The following PALM variants were observed in gnomAD, a reference collection of about 807,000 sequenced individuals.
The protein encoded by PALM is paralemmin.
PALM carries 18 observed loss-of-function variants against 30.7 expected under a neutral mutation model. That is an observed-to-expected ratio of 0.59 (90% CI 0.41 to 0.87). The LOEUF is 0.87. Among genes scored for constraint, PALM ranks in the 40% least tolerant of loss-of-function variants. The probability of loss-of-function intolerance (pLI) is 0.00; values close to 1 mark genes in which losing one functional copy is unlikely to be tolerated. For synonymous variants in PALM, 286 were observed against 242.8 expected (o/e 1.18, Z -1.66); for missense variants, 529 against 555.4 (o/e 0.95, Z 0.48).
rs201529663 is a variant in PALM, at chr19:742,616, A to AAAG, written c.634+2135_634+2136insGAA. Among the ~76,000 whole-genome samples, 4,487 of 147,688 alleles carry AAAG rather than the reference A, an allele frequency of 0.03. 378 individuals are homozygous for AAAG. In the East Asian group the frequency reaches 0.34, roughly 11 times the overall value. ...GTGAAACTCTGTCTCAAAAAAAAAA[A>AAAG]AAAGAAAGAAAAGAGAATAAATGGG... On this transcript the variant is annotated intron_variant, in intron 8 of 8. Transcript: ENST00000338448. This position sits in a 1 kb window ranked among gnomAD's most constrained non-coding sequence, Gnocchi z 5.5.
chr19:722,279 A>C (rs1209013924), intron 1 of PALM, among the ~76,000 whole-genome samples: 1 of 152,134 alleles, frequency 6.6e-6, no homozygotes, highest in Non-Finnish European at 1.5e-5. Context: ...CAGTGGCACA[A>C]TCACGGCTCG....
chr19:728,032 G>A (rs978906830), intron 4 of PALM, among the ~76,000 whole-genome samples: 12 of 117,066 alleles, frequency 1.0e-4, no homozygotes, highest in Non-Finnish European at 1.6e-4. Flanking sequence ...GGGACGTGAC[G>A]TCGAGCTCGT....
intron 1 of PALM, among the ~76,000 whole-genome samples, chr19:710,858 T>C (rs1396525376): frequency 6.6e-6 from 1 of 152,206 alleles, no homozygotes; most frequent in Non-Finnish European, 1.5e-5. Flanking sequence ...GACGACTCTC[T>C]CCCCGGTTCC....
intron 4 of PALM, among the ~76,000 whole-genome samples, chr19:730,652 T>G (rs1362871290): frequency 2.0e-5 from 3 of 152,140 alleles, no homozygotes; most frequent in African/African-American, 4.8e-5. Context: ...GTGCCTCAGT[T>G]TCCCCCATCA....
At chr19:728,369 C>T (rs554356013) in intron 4 of PALM, among the ~76,000 whole-genome samples, 13 of 152,324 alleles carry the variant, frequency 8.5e-5, no homozygotes, top group African/African-American at 2.9e-4. Flanking sequence ...GGAGGCCGGC[C>T]GGATCACACG....
At chr19:739,086 A>C (rs2033109853) in intron 7 of PALM, among the ~76,000 whole-genome samples, 1 of 152,128 alleles carries the variant, frequency 6.6e-6, no homozygotes, top group African/African-American at 2.4e-5. Flanking sequence ...GGCAGCCACC[A>C]GTCGCTGTTA....
intron 1 of PALM, among the ~76,000 whole-genome samples, chr19:710,393 C>T (rs2032032506): frequency 6.6e-6 from 1 of 152,200 alleles, no homozygotes. Context: ...AGCCAGGGCC[C>T]AGACTTGCCT....
At position 726,923 on chromosome 19, in the gene PALM, C is replaced by T. The variant is rs1568225006; in HGVS notation, c.58-85C>T. 27 of 732,672 alleles carry T rather than the reference C, an allele frequency of 3.7e-5. 1 individual carries two copies. The Middle Eastern group carries it at 1.2e-3, about 34-fold the overall frequency. The allele number at this position is 732,672 out of a possible 1,614,324, so 45.4% of individuals were successfully genotyped here. The stretch of plus-strand genomic sequence containing the variant: ...GATCCCCGGACAGAGGAAGCAGGAT[C>T]GGGCTGGGCAGAGCCTTGTGTGGGG... On this transcript the variant is annotated intron_variant, in intron 2 of 8. Coordinates refer to ENST00000338448, the MANE Select transcript of PALM (RefSeq NM_002579.3).
intron 6 of PALM, 58 bp downstream of exon 6, chr19:734,252 G>A: frequency 6.4e-7 from 1 of 1,553,742 alleles, no homozygotes. Context: ...CCAGAGAGGG[G>A]ATGGCAGGGC....
intron 1 of PALM, chr19:722,700 C>G (rs1420480283): frequency 1.3e-5 from 2 of 152,314 alleles, no homozygotes; most frequent in African/African-American, 4.8e-5. Context: ...GGATGGTTCA[C>G]TGCCTGCATC....
chr19:727,239 AC>A lies in PALM; in HGVS notation c.138+155del, dbSNP rs1239580550. On this transcript the variant is annotated intron_variant, in intron 3 of 8. Transcript: ENST00000338448. ...GACCCTGACCCCGACCCTGACCCCG[AC>A]CCCGACCCCGACCCTGACCCCAACC... 5 of 580,306 alleles carry A rather than the reference AC, an allele frequency of 8.6e-6. No homozygotes were observed. In the Admixed American group the frequency reaches 1.5e-4, roughly 18 times the overall value. The allele number at this position is 580,306 out of a possible 1,614,324, so 35.9% of individuals were successfully genotyped here. A position where few individuals can be genotyped will look rare whatever the true frequency, so the allele number is the denominator to read the frequency against.
At position 709,341 on chromosome 19, in the gene PALM, C is replaced by T. The variant is rs547912828; in HGVS notation, c.5+190C>T. Among the ~76,000 whole-genome samples, 1 of 151,506 alleles carries T rather than the reference C, an allele frequency of 6.6e-6. No homozygotes were observed. Among genetic ancestry groups the T allele is most frequent in the Non-Finnish European group, 1.5e-5 (1 of 67,768 alleles). On this transcript the variant is annotated intron_variant, in intron 1 of 8. Transcript: ENST00000338448. The surrounding 1 kb of genome is among the most constrained non-coding windows in gnomAD (Gnocchi z 4.3). ...GGGCTGGGCCGCGCCTGCCGGGAGG[C>T]CTCCCCGCTCCCGGACCCCGGCTGC...
chr19:727,297 ACCCCG>A (rs2032716008), intron 3 of PALM, among the ~76,000 whole-genome samples: 1 of 126,722 alleles, frequency 7.9e-6, no homozygotes, highest in Admixed American at 8.3e-5. Context: ...CCTGACCCTG[ACCCCG>A]ACCCTGACCC....
chr19:727,216 C>A (rs1157759930), intron 3 of PALM, 128 bp downstream of exon 3: 2 of 649,718 alleles, frequency 3.1e-6, no homozygotes, highest in Non-Finnish European at 5.3e-6. Flanking sequence ...CCAGCCCTGA[C>A]CCTGACCCCG....
At position 746,142 on chromosome 19, in the gene PALM, C is replaced by G. The variant is rs1385074380; in HGVS notation, c.635-143C>G. ...GGCTTTAATTGTCTGTCAGTTCTGA[C>G]GGTGTAATCTAGTTCGTGATTTCCT... On this transcript the variant is annotated intron_variant, in intron 8 of 8. Transcript: ENST00000338448. The surrounding 1 kb of genome is among the most constrained non-coding windows in gnomAD (Gnocchi z 7.1). The G allele has an allele frequency of 1.6e-6, 1 of 632,988 alleles. No homozygotes were observed. Among genetic ancestry groups the G allele is most frequent in the Non-Finnish European group, 2.8e-6 (1 of 361,556 alleles). 39.2% of individuals were successfully genotyped at this position (632,988 alleles called of 1,614,324 possible). A position where few individuals can be genotyped will look rare whatever the true frequency, so the allele number is the denominator to read the frequency against.
intron 4 of PALM, among the ~76,000 whole-genome samples, chr19:730,160 C>T (rs537309935): frequency 6.6e-6 from 1 of 152,130 alleles, no homozygotes; most frequent in Non-Finnish European, 1.5e-5. Flanking sequence ...GCCCTCCAGG[C>T]TGACTGTGGG....
chr19:720,348 C>A (rs1409613493), intron 1 of PALM, among the ~76,000 whole-genome samples: 3 of 137,116 alleles, frequency 2.2e-5, no homozygotes, highest in African/African-American at 8.1e-5. Context: ...CCTGCGTGTC[C>A]TGGGGAAAGG....
At position 709,501 on chromosome 19, in the gene PALM, G is replaced by A. The variant is rs1399443221; in HGVS notation, c.5+350G>A. 6.6e-6 allele frequency among the ~76,000 whole-genome samples: 1 copy of A among 152,018 alleles called. No homozygotes were observed. Among genetic ancestry groups the A allele is most frequent in the East Asian group, 1.9e-4 (1 of 5,146 alleles). ...AGCCTCGGCTCTCGGCCACCTGTGG[G>A]TGGCCCCGGGGAGATGGAGCGACCC... is the stretch of plus-strand genomic sequence containing the variant. On this transcript the variant is annotated intron_variant, in intron 1 of 8. Coordinates refer to ENST00000338448, the MANE Select transcript of PALM (RefSeq NM_002579.3). This position sits in a 1 kb window ranked among gnomAD's most constrained non-coding sequence, Gnocchi z 4.3.
chr19:733,128 G>A (rs912161831), intron 5 of PALM, among the ~76,000 whole-genome samples: 2 of 152,260 alleles, frequency 1.3e-5, no homozygotes, highest in African/African-American at 4.8e-5. Context: ...GTTTGGCCAT[G>A]TTGGTCAGGC....
Sources: gnomAD v4.1 joint callset for allele counts (sites outside exome capture counted in the v4.1 genomes callset) on GRCh38, gnomAD v4.1.1 for gene constraint, Gnocchi (gnomAD v3.1) non-coding constraint, MANE v1.5 for transcripts, NCBI Gene and HGNC (gene_info 2026-07-23, HGNC 2026-07-21) for gene names.